Variants in KIAA1217 observed in about 807,000 individuals in gnomAD.
KIAA1217 encodes sickle tail protein homolog.
KIAA1217 carries 88 observed loss-of-function variants against 163.9 expected under a neutral mutation model. The observed-to-expected ratio is 0.54, with a 90% CI of 0.45 to 0.64. The LOEUF (loss-of-function observed/expected upper bound fraction) is 0.64, where lower values mean the gene tolerates loss of function less well. KIAA1217 is among the 30% of genes least tolerant of loss of function. KIAA1217 has a pLI of 0.00. For missense variants in KIAA1217, 2,372 were observed against 2,475.0 expected, an observed-to-expected ratio of 0.96 and a Z score of 0.88; for synonymous variants, 903 against 923.1, an observed-to-expected ratio of 0.98 and a Z score of 0.39.
chr10:23,808,592 A>T (rs1401026777), intron 1 of KIAA1217, among the ~76,000 whole-genome samples: 1 of 152,154 alleles, frequency 6.6e-6, no homozygotes, highest in East Asian at 1.9e-4. Context: ...ACAGAAAAAA[A>T]GGGTGAACTG....
chr10:23,863,859 T>C (rs1049166434), intron 1 of KIAA1217, among the ~76,000 whole-genome samples: 5 of 152,130 alleles, frequency 3.3e-5, no homozygotes, highest in Non-Finnish European at 5.9e-5. Context: ...TATTACACTC[T>C]GGCCATACTG....
intron 1 of KIAA1217, among the ~76,000 whole-genome samples, chr10:23,818,287 A>C (rs889246107): frequency 1.4e-5 from 2 of 142,658 alleles, no homozygotes; most frequent in Admixed American, 7.1e-5. Context: ...TTATATATTT[A>C]TATGTTATAT....
intron 2 of KIAA1217, among the ~76,000 whole-genome samples, chr10:24,262,902 A>G (rs915900809): frequency 1.3e-5 from 2 of 151,556 alleles, no homozygotes; most frequent in Admixed American, 6.6e-5. Context: ...GTGAGCCAGT[A>G]TCGCACCACT....
intron 1 of KIAA1217, among the ~76,000 whole-genome samples, chr10:23,878,062 G>A (rs1342804104): frequency 6.6e-6 from 1 of 151,850 alleles, no homozygotes; most frequent in Non-Finnish European, 1.5e-5. Context: ...AGGCACAAAT[G>A]CCCTCTGCTT....
At chr10:24,223,636 A>C (rs1021594027) in intron 2 of KIAA1217, among the ~76,000 whole-genome samples, 2 of 152,116 alleles carry the variant, frequency 1.3e-5, no homozygotes, top group African/African-American at 4.8e-5. Context: ...AAGAGAGCCA[A>C]TCAGCAAGAT....
At position 24,391,333 on chromosome 10, in the gene KIAA1217, C is replaced by CTTTTTTTTT. The variant is rs768727392; in HGVS notation, c.553+10285_553+10293dup. ...GGTTCTCCTGTTTCTTTCTTTCTTTCTTTTTTTTTTTTTTTTTTTTTTTTT... is the reference window on the plus strand; with the variant it reads ...GGTTCTCCTGTTTCTTTCTTTCTTTCTTTTTTTTTTTTTTTTTTTTTTTTTTTTTTTTTT... On this transcript the variant is annotated intron_variant, in intron 3 of 20. Coordinates refer to ENST00000376454, the MANE Select transcript of KIAA1217 (RefSeq NM_019590.5). Among the ~76,000 whole-genome samples the CTTTTTTTTT allele has an allele frequency of 6.0e-3, 179 of 29,866 alleles. 2 individuals carry two copies. Among genetic ancestry groups the CTTTTTTTTT allele is most frequent in the Middle Eastern group, 0.025 (1 of 40 alleles). 19.6% of individuals were successfully genotyped at this position (29,866 alleles called of 152,430 possible).
intron 1 of KIAA1217, among the ~76,000 whole-genome samples, chr10:23,905,352 G>A (rs536211091): frequency 2.0e-5 from 3 of 152,070 alleles, no homozygotes; most frequent in Admixed American, 1.3e-4. Context: ...GTACCCGGTG[G>A]CATGTCCTGC....
upstream of KIAA1217, chr10:24,208,701 T>G (rs900038608): frequency 6.5e-6 from 1 of 152,854 alleles, no homozygotes; most frequent in African/African-American, 2.4e-5. Context: ...AGGCTCACTC[T>G]GCCTCTGAGA....
chr10:23,926,117 G>A (rs1013725398), intron 1 of KIAA1217, among the ~76,000 whole-genome samples: 9 of 150,372 alleles, frequency 6.0e-5, no homozygotes, highest in Non-Finnish European at 1.3e-4. Flanking sequence ...TTGGTCCTCA[G>A]GAAAAAGAAG....
intron 2 of KIAA1217, among the ~76,000 whole-genome samples, chr10:24,161,640 T>C (rs562734170): frequency 2.6e-5 from 4 of 152,318 alleles, no homozygotes; most frequent in African/African-American, 9.6e-5. Context: ...ATACTCAAAG[T>C]CGCAATAAAG....
chr10:24,339,988 A>G lies in KIAA1217; in HGVS notation c.355-40881A>G, dbSNP rs533972998. Among the ~76,000 whole-genome samples the G allele has an allele frequency of 3.3e-5, 5 of 152,304 alleles. No individual in the cohort carries two copies. In the South Asian group the frequency reaches 8.3e-4, roughly 25 times the overall value. On this transcript the variant is annotated intron_variant, in intron 2 of 20. Transcript: ENST00000376454. Reference sequence around the variant, plus strand: ...TAAATACAGCGAATTCCAAGGATTTAGAGTGTTGCGAAGTCAGGAAAGAAG... The same window carrying G: ...TAAATACAGCGAATTCCAAGGATTTGGAGTGTTGCGAAGTCAGGAAAGAAG...
At chr10:23,927,824 C>T (rs1003929858) in intron 1 of KIAA1217, among the ~76,000 whole-genome samples, 5 of 152,150 alleles carry the variant, frequency 3.3e-5, no homozygotes, top group Admixed American at 2.6e-4. Context: ...TTCAGGCTTA[C>T]TTCTGAAACT....
At chr10:24,085,301 G>A (rs2061661939) in intron 2 of KIAA1217, among the ~76,000 whole-genome samples, 1 of 145,214 alleles carries the variant, frequency 6.9e-6, no homozygotes, top group Admixed American at 6.6e-5. Context: ...TAACATTTGA[G>A]GGGTTTAAGG....
intron 1 of KIAA1217, among the ~76,000 whole-genome samples, chr10:23,837,309 A>G (rs1219001947): frequency 6.6e-6 from 1 of 152,086 alleles, no homozygotes; most frequent in Non-Finnish European, 1.5e-5. Context: ...ATTCATTCAC[A>G]GATTTTTGCA....
intron 1 of KIAA1217, among the ~76,000 whole-genome samples, chr10:23,962,516 C>T (rs1051341793): frequency 6.6e-6 from 1 of 152,144 alleles, no homozygotes; most frequent in African/African-American, 2.4e-5. Context: ...TTCTCTTGGT[C>T]TATTTCAGTA....
intron 1 of KIAA1217, among the ~76,000 whole-genome samples, chr10:23,865,414 G>T (rs895087690): frequency 6.6e-6 from 1 of 151,864 alleles, no homozygotes; most frequent in African/African-American, 2.4e-5. Flanking sequence ...CATATTCCTT[G>T]CCCACTTTTC....
chr10:24,538,636 A>T (rs1270870180), intron 17 of KIAA1217, among the ~76,000 whole-genome samples: 1 of 143,168 alleles, frequency 7.0e-6, no homozygotes, highest in Non-Finnish European at 1.5e-5. Context: ...GAGAGGAAGG[A>T]AAAAGAGAGG....
At chr10:24,311,674 A>T (rs947950081) in intron 2 of KIAA1217, among the ~76,000 whole-genome samples, 2 of 152,014 alleles carry the variant, frequency 1.3e-5, no homozygotes, top group African/African-American at 4.8e-5. Context: ...TACTGCAGTG[A>T]CCTCTGCATT....
intron 1 of KIAA1217, among the ~76,000 whole-genome samples, chr10:23,934,557 GTATATATATATATATATATA>G (rs778185120): frequency 2.3e-5 from 1 of 44,346 alleles, no homozygotes; most frequent in African/African-American, 1.1e-4. Flanking sequence ...GGTCTTTAAA[GTATATATATATATATATATA>G]TATATATATA....
Sources: gnomAD v4.1 joint callset for allele counts (sites outside exome capture counted in the v4.1 genomes callset) on GRCh38, gnomAD v4.1.1 for gene constraint, MANE v1.5 for transcripts, NCBI Gene and HGNC (gene_info 2026-07-23, HGNC 2026-07-21) for gene names.